ME3: variants seen among roughly 807,000 people sequenced by gnomAD.
The protein encoded by ME3 is malic enzyme 3, also known as NADP-dependent malic enzyme, mitochondrial.
ME3 carries 48 observed loss-of-function variants against 68.9 expected under a neutral mutation model. The observed-to-expected ratio is 0.70, with a 90% CI of 0.55 to 0.89. The LOEUF is 0.89. Among genes scored for constraint, ME3 ranks in the 40% least tolerant of loss-of-function variants. The pLI, the probability that ME3 is intolerant of heterozygous loss-of-function variation, is 0.00. For synonymous variants in ME3, 320 were observed against 318.8 expected, an observed-to-expected ratio of 1.00 and a Z score of -0.04; for missense variants, 675 against 797.4, an observed-to-expected ratio of 0.85 and a Z score of 1.85.
chr11:86,514,703 G>A (rs898556154), intron 4 of ME3, among the ~76,000 whole-genome samples: 3 of 152,158 alleles, frequency 2.0e-5, no homozygotes, highest in Non-Finnish European at 4.4e-5. Context: ...TTCCTCATGT[G>A]TAAAATGGAA....
chr11:86,560,309 T>A (rs1027890558), intron 2 of ME3, among the ~76,000 whole-genome samples: 2 of 152,124 alleles, frequency 1.3e-5, no homozygotes, highest in South Asian at 2.1e-4. Context: ...CCTCCTTTTC[T>A]CTCTGTCCTG....
At chr11:86,478,599 A>G (rs999113399) in intron 7 of ME3, among the ~76,000 whole-genome samples, 1 of 152,146 alleles carries the variant, frequency 6.6e-6, no homozygotes, top group Non-Finnish European at 1.5e-5. Flanking sequence ...AGAACCTACC[A>G]TGCCTCCCTA....
intron 2 of ME3, 120 bp from the exon 3 acceptor site, chr11:86,559,943 A>G: frequency 9.5e-7 from 1 of 1,055,170 alleles, no homozygotes. Context: ...AGGGCCCTCA[A>G]CTCAAATTCC....
rs17856661 is a variant in ME3, at chr11:86,559,754, T to C, written c.253A>G (p.Ser85Gly). ...ATTCGGAGGAGCTGGACGTCCTGGC[T>C]CAGAAAGCAGGGCGGGATTAGGCCG... The change falls in exon 3 of 15, where the codon AGC (serine) becomes GGC (glycine). Residue 85 changes from serine (S) to glycine (G), a missense_variant. Physicochemically the swap from Ser to Gly is moderately conservative, Grantham distance 56 (BLOSUM62 0). Coordinates refer to ENST00000543262, the Ensembl canonical transcript of ME3. 12 of 1,613,852 alleles carry C rather than the reference T, an allele frequency of 7.4e-6. No homozygotes were observed. In the African/African-American group the frequency reaches 1.6e-4, roughly 22 times the overall value.
chr11:86,456,688 A>G (rs1312240286), intron 8 of ME3, among the ~76,000 whole-genome samples: 2 of 152,162 alleles, frequency 1.3e-5, no homozygotes, highest in Non-Finnish European at 2.9e-5. Context: ...CTTAGGCAGT[A>G]GATGTCAACA....
At chr11:86,666,505 C>A (rs1478856910) in intron 2 of ME3, among the ~76,000 whole-genome samples, 1 of 152,214 alleles carries the variant, frequency 6.6e-6, no homozygotes, top group East Asian at 1.9e-4. Flanking sequence ...AATAAACATT[C>A]TCTGAGCTGT....
chr11:86,482,329 G>C (rs981718162), intron 7 of ME3, among the ~76,000 whole-genome samples: 2 of 152,154 alleles, frequency 1.3e-5, no homozygotes, highest in African/African-American at 4.8e-5. Context: ...ATTTCTCTGT[G>C]TATTGCTCAC....
chr11:86,510,960 C>T (rs1953476575), intron 4 of ME3, among the ~76,000 whole-genome samples: 1 of 152,196 alleles, frequency 6.6e-6, no homozygotes, highest in Admixed American at 6.5e-5. Context: ...GTGAATATTT[C>T]CCCGACATAA....
intron 4 of ME3, among the ~76,000 whole-genome samples, chr11:86,541,669 C>A (rs1226734830): frequency 6.6e-6 from 1 of 152,198 alleles, no homozygotes; most frequent in Non-Finnish European, 1.5e-5. Flanking sequence ...AGATAAAACT[C>A]CCATCTCCCT....
At chr11:86,471,857 G>A (rs1346814380) in intron 7 of ME3, among the ~76,000 whole-genome samples, 1 of 152,160 alleles carries the variant, frequency 6.6e-6, no homozygotes, top group Non-Finnish European at 1.5e-5. Flanking sequence ...ACAAGGGACT[G>A]TACTACTTGC....
chr11:86,595,405 A>G (rs1959251998), intron 2 of ME3, among the ~76,000 whole-genome samples: 2 of 130,720 alleles, frequency 1.5e-5, no homozygotes, highest in Non-Finnish European at 3.2e-5. Flanking sequence ...GGTAAATACT[A>G]GCATTATCTC....
chr11:86,508,916 A>G (rs1183326599), intron 4 of ME3, 49 bp from the exon 5 acceptor site: 2 of 1,474,612 alleles, frequency 1.4e-6, no homozygotes, highest in Non-Finnish European at 1.9e-6. Flanking sequence ...CAGTCAGATT[A>G]GGAACTGAGC....
At chr11:86,597,458 C>A (rs918638630) in intron 2 of ME3, among the ~76,000 whole-genome samples, 2 of 152,166 alleles carry the variant, frequency 1.3e-5, no homozygotes, top group Non-Finnish European at 2.9e-5. Flanking sequence ...CCATGACAAC[C>A]ACACATCTTG....
intron 2 of ME3, among the ~76,000 whole-genome samples, chr11:86,639,023 T>C (rs546804759): frequency 6.6e-6 from 1 of 152,298 alleles, no homozygotes; most frequent in East Asian, 1.9e-4. Flanking sequence ...TCAACTACAA[T>C]ACCCCAAAAA....
intron 4 of ME3, 141 bp from the exon 5 acceptor site, chr11:86,509,008 A>C (rs895778417): frequency 6.0e-6 from 4 of 667,222 alleles, no homozygotes; most frequent in Non-Finnish European, 1.0e-5. Context: ...AGGCCCCAGC[A>C]GTTTAGAGGG....
intron 6 of ME3, among the ~76,000 whole-genome samples, chr11:86,496,940 A>G (rs1484637281): frequency 6.6e-6 from 1 of 151,646 alleles, no homozygotes; most frequent in East Asian, 1.9e-4. Context: ...AGTGCTTGTT[A>G]TGTGGCTGAT....
chr11:86,477,619 G>A (rs139251412), intron 7 of ME3, among the ~76,000 whole-genome samples: 7 of 152,214 alleles, frequency 4.6e-5, no homozygotes, highest in African/African-American at 9.6e-5. Flanking sequence ...GATACCAAGC[G>A]ATAAAATCAG....
chr11:86,658,254 G>C (rs1946046034), intron 2 of ME3, among the ~76,000 whole-genome samples: 1 of 151,950 alleles, frequency 6.6e-6, no homozygotes, highest in Admixed American at 6.6e-5. Flanking sequence ...CACCCGAGTA[G>C]ATAGGATTAC....
At chr11:86,473,127 C>A (rs945471378) in intron 7 of ME3, among the ~76,000 whole-genome samples, 1 of 152,338 alleles carries the variant, frequency 6.6e-6, no homozygotes. Context: ...CCTGGGACAC[C>A]CTGCATCCAC....
Sources: gnomAD v4.1 joint callset for allele counts (sites outside exome capture counted in the v4.1 genomes callset) on GRCh38, gnomAD v4.1.1 for gene constraint, MANE v1.5 for transcripts, NCBI Gene and HGNC (gene_info 2026-07-23, HGNC 2026-07-21) for gene names.